SNTG2: variants seen among roughly 807,000 people sequenced by gnomAD.
SNTG2 encodes gamma-2-syntrophin.
Under a neutral mutation model 70.9 loss-of-function variants are expected in SNTG2, and 74 were observed. The observed-to-expected ratio is 1.04, with a 90% CI of 0.86 to 1.27. SNTG2 has a LOEUF of 1.27. SNTG2 is among the 50% of genes most tolerant of loss of function. The pLI is 0.00. For synonymous variants in SNTG2, 278 were observed against 273.8 expected (o/e 1.02, Z -0.15); for missense variants, 717 against 690.7 (o/e 1.04, Z -0.43).
chr2:997,053 T>C (rs1661710380), intron 1 of SNTG2, among the ~76,000 whole-genome samples: 1 of 152,186 alleles, frequency 6.6e-6, no homozygotes, highest in South Asian at 2.1e-4. Context: ...GATTCCACTC[T>C]ACAGGTACAC....
chr2:991,014 C>A (rs1208786346), intron 1 of SNTG2, among the ~76,000 whole-genome samples: 1 of 151,924 alleles, frequency 6.6e-6, no homozygotes, highest in Non-Finnish European at 1.5e-5. Flanking sequence ...TTTCAATCTC[C>A]CATTTACTTG....
At chr2:1,120,454 T>C (rs938638501) in intron 4 of SNTG2, among the ~76,000 whole-genome samples, 1 of 152,106 alleles carries the variant, frequency 6.6e-6, no homozygotes, top group Non-Finnish European at 1.5e-5. Flanking sequence ...AAAAGACATA[T>C]AGTGGTGAAG....
At chr2:974,020 G>A (rs1444353645) in intron 1 of SNTG2, among the ~76,000 whole-genome samples, 1 of 152,116 alleles carries the variant, frequency 6.6e-6, no homozygotes, top group African/African-American at 2.4e-5. Context: ...CCCTGGGCCT[G>A]TCTCTGTGAT....
chr2:1,064,584 G>A (rs1001445403), intron 1 of SNTG2, among the ~76,000 whole-genome samples: 21 of 151,986 alleles, frequency 1.4e-4, no homozygotes, highest in Admixed American at 5.9e-4. Flanking sequence ...TTCTTACATC[G>A]TTCATGAAGT....
chr2:1,165,212 T>C (rs1421737644), intron 6 of SNTG2, among the ~76,000 whole-genome samples: 1 of 152,254 alleles, frequency 6.6e-6, no homozygotes, highest in Non-Finnish European at 1.5e-5. Context: ...AGGCTGTTTG[T>C]AGTAACAAAC....
At chr2:993,232 G>A (rs1196362248) in intron 1 of SNTG2, among the ~76,000 whole-genome samples, 2 of 60,406 alleles carry the variant, frequency 3.3e-5, no homozygotes, top group African/African-American at 1.4e-4. Context: ...CCCCTCCCCC[G>A]ACCCCACCAC....
intron 9 of SNTG2, among the ~76,000 whole-genome samples, chr2:1,223,961 C>T (rs1675568408): frequency 6.6e-6 from 1 of 152,164 alleles, no homozygotes; most frequent in Non-Finnish European, 1.5e-5. Flanking sequence ...CCTTATGCAG[C>T]AGGCATGCGT....
chr2:1,310,150 T>A (rs1424392806), intron 15 of SNTG2, among the ~76,000 whole-genome samples: 2 of 152,344 alleles, frequency 1.3e-5, no homozygotes, highest in East Asian at 3.9e-4. Context: ...CAAATTCTGC[T>A]TTAGAGCAGG....
At chr2:1,181,937 T>C (rs1180187063) in intron 8 of SNTG2, among the ~76,000 whole-genome samples, 5 of 152,188 alleles carry the variant, frequency 3.3e-5, no homozygotes, top group Admixed American at 6.5e-5. Context: ...ATTAATATCA[T>C]GCGTTTAGGT....
chr2:973,417 G>A (rs527509025), intron 1 of SNTG2, among the ~76,000 whole-genome samples: 8 of 152,146 alleles, frequency 5.3e-5, no homozygotes, highest in African/African-American at 1.9e-4. Flanking sequence ...CTGGAGTTGA[G>A]TGTAAGGTTG....
At position 1,007,052 on chromosome 2, in the gene SNTG2, TAAATAA is replaced by T. The variant is rs1659594370; in HGVS notation, c.72+55986_72+55991del. 2.0e-5 allele frequency among the ~76,000 whole-genome samples: 3 copies of T among 151,594 alleles called. 1 individual carries two copies. Among genetic ancestry groups the T allele is most frequent in the South Asian group, 4.2e-4 (2 of 4,804 alleles). On this transcript the variant is annotated intron_variant, in intron 1 of 16. Coordinates refer to ENST00000308624, the MANE Select transcript of SNTG2 (RefSeq NM_018968.4). The stretch of plus-strand genomic sequence containing the variant: ...TCAAATAAATAAATAAATAAATAAA[TAAATAA>T]ATGTGTATATATATATGTATGTATA...
chr2:969,222 T>C (rs1253725989), intron 1 of SNTG2, among the ~76,000 whole-genome samples: 1 of 152,194 alleles, frequency 6.6e-6, no homozygotes, highest in African/African-American at 2.4e-5. Flanking sequence ...TCCATTGGCC[T>C]GTGTTTGTTT....
intron 12 of SNTG2, among the ~76,000 whole-genome samples, chr2:1,258,129 A>C (rs1461380944): frequency 1.3e-5 from 2 of 152,134 alleles, no homozygotes; most frequent in Non-Finnish European, 2.9e-5. Context: ...GAGGAGTGGG[A>C]AGGGAGGGGC....
chr2:1,247,287 C>A, intron 11 of SNTG2, 40 bp from the exon 12 acceptor site: 2 of 1,267,586 alleles, frequency 1.6e-6, no homozygotes, highest in Non-Finnish European at 2.3e-6. Context: ...GACAGTATGC[C>A]CTCATTAAGG....
intron 8 of SNTG2, among the ~76,000 whole-genome samples, chr2:1,176,760 C>T (rs1671508040): frequency 6.6e-6 from 1 of 152,052 alleles, no homozygotes; most frequent in Non-Finnish European, 1.5e-5. Flanking sequence ...CACTGATCCC[C>T]AGAGAAATGC....
chr2:1,129,379 C>T (rs1667887368), intron 4 of SNTG2, among the ~76,000 whole-genome samples: 1 of 152,178 alleles, frequency 6.6e-6, no homozygotes, highest in African/African-American at 2.4e-5. Flanking sequence ...TATGGTACAT[C>T]GTTTCTTTTA....
At chr2:958,542 C>G (rs1249415263) in intron 1 of SNTG2, among the ~76,000 whole-genome samples, 1 of 152,094 alleles carries the variant, frequency 6.6e-6, no homozygotes, top group Admixed American at 6.5e-5. Flanking sequence ...CTAGCAGAAG[C>G]TTTGTCAATT....
chr2:964,124 C>T (rs545809034), intron 1 of SNTG2, among the ~76,000 whole-genome samples: 17 of 152,308 alleles, frequency 1.1e-4, no homozygotes, highest in East Asian at 3.9e-4. Flanking sequence ...GAAATCCAGG[C>T]GTCAGCACTA....
chr2:1,215,068 A>C (rs1048110557), intron 9 of SNTG2, among the ~76,000 whole-genome samples: 2 of 142,112 alleles, frequency 1.4e-5, no homozygotes, highest in Non-Finnish European at 3.0e-5. Context: ...CCATGCTTGC[A>C]TCCAAGGCAT....
Sources: gnomAD v4.1 joint callset for allele counts (sites outside exome capture counted in the v4.1 genomes callset) on GRCh38, gnomAD v4.1.1 for gene constraint, MANE v1.5 for transcripts, NCBI Gene and HGNC (gene_info 2026-07-23, HGNC 2026-07-21) for gene names.